The following ZNF142 variants were observed in gnomAD, a reference collection of about 807,000 sequenced individuals.
ZNF142 encodes the protein zinc finger protein 142 (clone pHZ-49).
In ZNF142, 96 loss-of-function variants were observed where a neutral mutation model predicts 132.1. The observed-to-expected ratio is 0.73, with a 90% CI of 0.62 to 0.86. The LOEUF (loss-of-function observed/expected upper bound fraction) is 0.86. Ranked by LOEUF, ZNF142 falls within the 40% of genes least tolerant of loss-of-function variation. The probability of loss-of-function intolerance (pLI) is 0.00; values close to 1 mark genes in which losing one functional copy is unlikely to be tolerated. For synonymous variants in ZNF142, 842 were observed against 890.1 expected (o/e 0.95, Z 0.96); for missense variants, 2,163 against 2,336.2 (o/e 0.93, Z 1.53).
chr2:218,655,849 G>A (rs1459734653), intron 4 of ZNF142, among the ~76,000 whole-genome samples: 2 of 152,168 alleles, frequency 1.3e-5, no homozygotes, highest in Non-Finnish European at 2.9e-5. Flanking sequence ...TCCAAGGACT[G>A]TAAGAGTAGG....
intron 7 of ZNF142, among the ~76,000 whole-genome samples, chr2:218,648,360 G>A (rs1008308972): frequency 5.9e-5 from 9 of 152,212 alleles, no homozygotes; most frequent in African/African-American, 2.2e-4. Context: ...AGCCTGACTA[G>A]GGGTGGGCAG....
At position 218,659,607 on chromosome 2, in the gene ZNF142, C is replaced by T. The variant is rs1476946555; in HGVS notation, c.-600G>A. The T allele has an allele frequency of 2.0e-5, 3 of 152,268 alleles. No homozygotes were observed. The highest frequency in any genetic ancestry group is 7.2e-5 in the African/African-American group (3 of 41,436). The allele number at this position is 152,268 out of a possible 1,614,324, so 9.4% of individuals were successfully genotyped here. ...AGCCGGAGAAGCACCATCGAGAGCT[C>T]TGGGGTAGAGTGGCGTGGGCTTCTC... On this transcript the variant is annotated 5_prime_UTR_variant, in exon 1 of 11. Transcript: ENST00000411696. The surrounding 1 kb of genome is among the most constrained non-coding windows in gnomAD (Gnocchi z 4.4).
At chr2:218,641,972 T>C in intron 9 of ZNF142, 56 bp downstream of exon 9, 1 of 1,565,884 alleles carries the variant, frequency 6.4e-7, no homozygotes, top group South Asian at 1.2e-5. Context: ...ACCAAGGCAG[T>C]TTAACTCCAG....
rs367658234 is a variant in ZNF142, at chr2:218,640,760, G to C, written c.5098C>G (p.Arg1700Gly). The C allele has an allele frequency of 6.2e-7, 1 of 1,613,886 alleles. No individual in the cohort carries two copies. The highest frequency in any genetic ancestry group is 8.5e-7 in the Non-Finnish European group (1 of 1,179,942). The change falls in exon 10 of 11, where the codon CGG becomes GGG. Residue 1700 changes from arginine (R) to glycine (G), a missense_variant. By Grantham distance (125) the Arg-to-Gly change is moderately radical. Around this residue, in one of 7 missense-constraint regions of ZNF142, gnomAD observed 325 missense variants for 367.8 expected, o/e 0.88. Transcript: ENST00000411696. ...TACTTCCGTTCCTCCTTGTGGATCCGCATGTGGTACTGGAAGAGGCAAGAG... is the reference window on the plus strand; with the variant it reads ...TACTTCCGTTCCTCCTTGTGGATCCCCATGTGGTACTGGAAGAGGCAAGAG... The part of the protein sequence containing the change: ...ADPSRLKYHM[R>G]IHKEERKYLC...
chr2:218,636,937 G>T lies in ZNF142; in HGVS notation c.*1402C>A, dbSNP rs1232393738. On this transcript the variant is annotated 3_prime_UTR_variant, in exon 11 of 11. Transcript: ENST00000411696. ...AAGGCAGGTTGCAACTAGAAATTCA[G>T]AGGGGCTTGGAATAGAGAAACCTAA... 2.2e-6 allele frequency: 1 copy of T among 460,570 alleles called. No individual in the cohort carries two copies. The highest frequency in any genetic ancestry group is 4.3e-6 in the Non-Finnish European group (1 of 229,976). The allele number at this position is 460,570 out of a possible 1,614,324, so 28.5% of individuals were successfully genotyped here.
At position 218,634,133 on chromosome 2, in the gene ZNF142, G is replaced by A. The variant is rs774816594; in HGVS notation, c.*4206C>T. 2 of 1,612,156 alleles carry A rather than the reference G, an allele frequency of 1.2e-6. No homozygotes were observed. Among genetic ancestry groups the A allele is most frequent in the Non-Finnish European group, 1.7e-6 (2 of 1,179,154 alleles). ...ATGAGTTTGTGCAGCACAATACTTGGCAGTTAAGCCGTGTGTATCCCAGCG... is the reference window on the plus strand; with the variant it reads ...ATGAGTTTGTGCAGCACAATACTTGACAGTTAAGCCGTGTGTATCCCAGCG... On this transcript the variant is annotated 3_prime_UTR_variant, in exon 11 of 11. Transcript: ENST00000411696. This position sits in a 1 kb window ranked among gnomAD's most constrained non-coding sequence, Gnocchi z 4.0.
intron 3 of ZNF142, 134 bp from the exon 4 acceptor site, chr2:218,656,597 G>A: frequency 2.2e-6 from 1 of 459,058 alleles, no homozygotes. Context: ...TATACCATAT[G>A]AGACTAAATA....
At position 218,643,171 on chromosome 2, in the gene ZNF142, C is replaced by T; in HGVS notation, c.3945G>A (p.Gln1315=). 10 of 1,614,260 alleles carry T rather than the reference C, an allele frequency of 6.2e-6. No individual in the cohort carries two copies. Among genetic ancestry groups the T allele is most frequent in the Non-Finnish European group, 7.6e-6 (9 of 1,180,048 alleles). Residue 1315 remains glutamine, a synonymous_variant, in exon 9 of 11, where the codon CAG becomes CAA. Transcript: ENST00000411696. The part of the protein sequence containing the change: ...SCPTCPFSCQ[Q]ERALRTHQIR... ...TCTGGTGAGTCCTCAGAGCCCGTTCCTGCTGGCAGCTAAAGGGACATGTAG... is the reference window on the plus strand; with the variant it reads ...TCTGGTGAGTCCTCAGAGCCCGTTCTTGCTGGCAGCTAAAGGGACATGTAG...
At chr2:218,640,804 G>A (rs764436706) in intron 9 of ZNF142, 35 bp from the exon 10 acceptor site, 5 of 1,536,234 alleles carry the variant, frequency 3.3e-6, no homozygotes, top group Admixed American at 1.7e-5. Flanking sequence ...AGAAAATATA[G>A]TAAGTGCTCA....
At position 218,637,147 on chromosome 2, in the gene ZNF142, C is replaced by T. The variant is rs1379570376; in HGVS notation, c.*1192G>A. The T allele has an allele frequency of 3.3e-6, 1 of 305,674 alleles. No individual in the cohort carries two copies. The highest frequency in any genetic ancestry group is 2.2e-5 in the African/African-American group (1 of 45,572). The allele number at this position is 305,674 out of a possible 1,614,324, so 18.9% of individuals were successfully genotyped here. On this transcript the variant is annotated 3_prime_UTR_variant, in exon 11 of 11. Coordinates refer to ENST00000411696, the MANE Select transcript of ZNF142 (RefSeq NM_001379659.1). The stretch of plus-strand genomic sequence containing the variant: ...CCCACTGGACTGCTTCCTCCTTAGC[C>T]CCACTGGTATAAATACATCTCTCTC...
chr2:218,634,180 A>G lies in ZNF142; in HGVS notation c.*4159T>C, dbSNP rs1696569709. 1 of 1,612,296 alleles carries G rather than the reference A, an allele frequency of 6.2e-7. No homozygotes were observed. The highest frequency in any genetic ancestry group is 1.3e-5 in the African/African-American group (1 of 75,034). ...AGCGGCCTGAGGACAGACTCTTCCA[A>G]CTACAACCCCCAGGAACTCTGGAAT... On this transcript the variant is annotated 3_prime_UTR_variant, in exon 11 of 11. Transcript: ENST00000411696. This position sits in a 1 kb window ranked among gnomAD's most constrained non-coding sequence, Gnocchi z 4.0.
chr2:218,649,598 G>A, intron 6 of ZNF142, 139 bp from the exon 7 acceptor site: 1 of 827,006 alleles, frequency 1.2e-6, no homozygotes, highest in South Asian at 1.9e-5. Context: ...CTCAAATACT[G>A]TAGTCTCAAA....
rs762743194 is a variant in ZNF142, at chr2:218,644,930, T to C, written c.2186A>G (p.Lys729Arg). ...AGGGTGGTGCTGGGAAGCCATGTGC[T>C]TCTGCAGCTCATACTTCCGCTTGCA... ...FACKRKYELQ[K>R]HMASQHHPGT... Residue 729 changes from lysine to arginine, a missense_variant, in exon 9 of 11, where the codon AAG becomes AGG. Transcript: ENST00000411696. This position sits in a 1 kb window ranked among gnomAD's most constrained non-coding sequence, Gnocchi z 4.6. The C allele has an allele frequency of 4.3e-6, 7 of 1,614,052 alleles. No homozygotes were observed. Among genetic ancestry groups the C allele is most frequent in the Non-Finnish European group, 5.9e-6 (7 of 1,179,952 alleles).
In ZNF142 at chr2:218,643,636, AG is replaced by A; in HGVS notation, c.3479del (p.Ser1160LeufsTer57). The A allele has an allele frequency of 1.3e-6, 2 of 1,552,004 alleles. No homozygotes were observed. The highest frequency in any genetic ancestry group is 1.7e-6 in the Non-Finnish European group (2 of 1,152,166). ...TTCCTGCAGGAGGGACTGGGGAACC[AG>A]AGACTGTGGCAAGAGGCTCTTCTGT... is the stretch of plus-strand genomic sequence containing the variant. ...EETEEPLATV[S>X]GSPVPPAGNS... On this transcript the variant is annotated frameshift_variant, in exon 9 of 11. Transcript: ENST00000411696. LOFTEE classifies it high-confidence loss of function.
At chr2:218,641,243 A>ATTTTT (rs71276228) in intron 9 of ZNF142, among the ~76,000 whole-genome samples, 2 of 103,918 alleles carry the variant, frequency 1.9e-5, no homozygotes, top group African/African-American at 3.7e-5. Context: ...CTGGCCGATA[A>ATTTTT]TTTTTTTTTT....
rs1696839226 is a variant in ZNF142 at position 218,637,680 on chromosome 2, T to A, written c.*659A>T. ...TAGGAGGAGGCTTAGTGGGTAGCAA[T>A]CCTCCCTCTATAGATACAGGTAGAC... On this transcript the variant is annotated 3_prime_UTR_variant, in exon 11 of 11. Transcript: ENST00000411696. Among the ~76,000 whole-genome samples, 1 of 152,084 alleles carries A rather than the reference T, an allele frequency of 6.6e-6. No homozygotes were observed. The highest frequency in any genetic ancestry group is 1.5e-5 in the Non-Finnish European group (1 of 68,014).
intron 9 of ZNF142, among the ~76,000 whole-genome samples, 200 bp from the exon 10 acceptor site, chr2:218,640,969 C>G (rs1697133800): frequency 6.8e-6 from 1 of 147,918 alleles, no homozygotes; most frequent in Non-Finnish European, 1.5e-5. Flanking sequence ...GGGTCTCACT[C>G]TGTTGCCCAG....
At position 218,649,025 on chromosome 2, in the gene ZNF142, A is replaced by C; in HGVS notation, c.1483T>G (p.Tyr495Asp). 2 of 1,612,852 alleles carry C rather than the reference A, an allele frequency of 1.2e-6. No individual in the cohort carries two copies. Among genetic ancestry groups the C allele is most frequent in the Non-Finnish European group, 1.7e-6 (2 of 1,180,032 alleles). Reference sequence around the variant, plus strand: ...AAGGCCTTGCGGTCGGGTGCTGCATAGCTGCAGCCCTCCTGAAAGCAGCGA... The same window carrying C: ...AAGGCCTTGCGGTCGGGTGCTGCATCGCTGCAGCCCTCCTGAAAGCAGCGA... The part of the protein sequence containing the change: ...PLRCFQEGCS[Y>D]AAPDRKAFIK... Residue 495 changes from tyrosine (Y) to aspartate (D), a missense_variant, in exon 7 of 11, where the codon TAT (tyrosine) becomes GAT (aspartate). This residue lies in a region of ZNF142 where 749 missense variants were observed against 830.3 expected (regional missense o/e 0.90). Transcript: ENST00000411696.
chr2:218,633,970 A>T lies in ZNF142; in HGVS notation c.*4369T>A. ...GAAAGCTGGTCTGGATGGACAGAGT[A>T]GAGAGGCACAGTGAAACTTTCTGGA... is the stretch of plus-strand genomic sequence containing the variant. On this transcript the variant is annotated 3_prime_UTR_variant, in exon 11 of 11. Transcript: ENST00000411696. 1 of 1,292,220 alleles carries T rather than the reference A, an allele frequency of 7.7e-7. No homozygotes were observed. The highest frequency in any genetic ancestry group is 1.1e-6 in the Non-Finnish European group (1 of 934,154). The allele number at this position is 1,292,220 out of a possible 1,614,324, so 80.0% of individuals were successfully genotyped here. A position where few individuals can be genotyped will look rare whatever the true frequency, so the allele number is the denominator to read the frequency against.
Sources: gnomAD v4.1 joint callset for allele counts (sites outside exome capture counted in the v4.1 genomes callset) on GRCh38, gnomAD v4.1.1 for gene constraint, gnomAD v4.1.1 regional missense constraint, Gnocchi (gnomAD v3.1) non-coding constraint, MANE v1.5 for transcripts, NCBI Gene and HGNC (gene_info 2026-07-23, HGNC 2026-07-21) for gene names.